Variants in THSD1 observed in about 807,000 individuals in gnomAD.
THSD1 encodes thrombospondin type 1 domain containing 1.
In THSD1, 34 loss-of-function variants were observed where a neutral mutation model predicts 46.3. The ratio of observed to expected loss-of-function variants is 0.74; its 90% CI spans 0.56 to 0.98. The LOEUF (loss-of-function observed/expected upper bound fraction) is 0.98, where lower values mean the gene tolerates loss of function less well. Among genes scored for constraint, THSD1 ranks in the 50% least tolerant of loss-of-function variants. THSD1 has a pLI of 0.00. For missense variants in THSD1, 1,023 were observed against 1,058.3 expected (o/e 0.97, Z 0.46); for synonymous variants, 407 against 416.5 (o/e 0.98, Z 0.28).
chr13:52,378,148 C>G lies in THSD1; in HGVS notation c.1822G>C (p.Asp608His). ...CAACTGGCCTGAGTCACATTTAGATCCAGCCTGGAGGGAGGCCTTTCCCCG... is the reference window on the plus strand; with the variant it reads ...CAACTGGCCTGAGTCACATTTAGATGCAGCCTGGAGGGAGGCCTTTCCCCG... ...SAGERPPSRL[D>H]LNVTQASCAI... The change falls in exon 5 of 5, where the codon GAT (aspartate) becomes CAT (histidine). Residue 608 changes from aspartate to histidine, a missense_variant. Transcript: ENST00000258613. 4 of 1,614,170 alleles carry G rather than the reference C, an allele frequency of 2.5e-6. No homozygotes were observed. Among genetic ancestry groups the G allele is most frequent in the Non-Finnish European group, 3.4e-6 (4 of 1,180,036 alleles).
chr13:52,377,851 C>G lies in THSD1; in HGVS notation c.2119G>C (p.Glu707Gln). ...PQSRGAHLFP[E>Q]KLEHFQEASG... ...GCCTCTTGGAAATGCTCCAGTTTTT[C>G]AGGAAACAGGTGGGCACCTCGACTC... The change falls in exon 5 of 5, where the codon GAA (glutamate) becomes CAA (glutamine). Residue 707 changes from glutamate (E) to glutamine (Q), a missense_variant. By Grantham distance (29) the Glu-to-Gln change is conservative. Transcript: ENST00000258613. 1 of 1,614,206 alleles carries G rather than the reference C, an allele frequency of 6.2e-7. No homozygotes were observed. Among genetic ancestry groups the G allele is most frequent in the East Asian group, 2.2e-5 (1 of 44,878 alleles).
intron 1 of THSD1, 148 bp from the exon 2 acceptor site, chr13:52,402,829 T>C (rs763204749): frequency 5.2e-6 from 7 of 1,358,646 alleles, no homozygotes; most frequent in Non-Finnish European, 4.7e-6. Context: ...CCTGGGGCAA[T>C]GACTTATAAT....
chr13:52,386,721 C>A (rs1957733357), intron 3 of THSD1, among the ~76,000 whole-genome samples: 1 of 152,164 alleles, frequency 6.6e-6, no homozygotes, highest in South Asian at 2.1e-4. Flanking sequence ...GGTGGAGGCC[C>A]AAGGAGGGAA....
At chr13:52,381,477 T>C (rs966743355) in intron 4 of THSD1, among the ~76,000 whole-genome samples, 7 of 152,144 alleles carry the variant, frequency 4.6e-5, no homozygotes, top group Non-Finnish European at 1.0e-4. Context: ...TCCAATCCAC[T>C]TCCTTAGCAC....
At chr13:52,399,500 T>C (rs920511160) in intron 2 of THSD1, among the ~76,000 whole-genome samples, 1 of 152,116 alleles carries the variant, frequency 6.6e-6, no homozygotes, top group East Asian at 1.9e-4. Context: ...TTGTTTGGGG[T>C]TGCAGTCTTT....
chr13:52,385,572 G>A lies in THSD1; in HGVS notation c.1180+456C>T, dbSNP rs74085755. Among the ~76,000 whole-genome samples, 815 of 152,194 alleles carry A rather than the reference G, an allele frequency of 5.4e-3. 13 individuals carry two copies. The highest frequency in any genetic ancestry group is 0.019 in the African/African-American group (776 of 41,516). On this transcript the variant is annotated intron_variant, in intron 4 of 4. Coordinates refer to ENST00000258613, the MANE Select transcript of THSD1 (RefSeq NM_018676.4). ...TTAGGCCACTCAGGGTATAGGACAG[G>A]GAGTCTTGCCCCATTTTGACAAATA...
chr13:52,396,374 T>C (rs921905911), intron 3 of THSD1, among the ~76,000 whole-genome samples: 1 of 151,898 alleles, frequency 6.6e-6, no homozygotes, highest in African/African-American at 2.4e-5. Flanking sequence ...ATACAAAAAT[T>C]AGCCGGGCAT....
rs1957822425 is a variant in THSD1 at position 52,397,706 on chromosome 13, T to C, written c.547A>G (p.Arg183Gly). The change falls in exon 3 of 5, where the codon AGA becomes GGA. Residue 183 changes from arginine (R) to glycine (G), a missense_variant. Physicochemically the swap from Arg to Gly is moderately radical, Grantham distance 125. Around this residue, in one of 3 missense-constraint regions of THSD1, gnomAD observed 429 missense variants for 518.3 expected, o/e 0.83. Coordinates refer to ENST00000258613, the MANE Select transcript of THSD1 (RefSeq NM_018676.4). ...CTGGTTCTTATTTCCAGCGGCTGTC[T>C]TGAATTTCTTCTTGCCTCAGGAAGA... is the stretch of plus-strand genomic sequence containing the variant. ...NSLPEARRNS[R>G]QPLEIRTSKR... is the part of the protein sequence containing the mutation. The C allele has an allele frequency of 6.2e-7, 1 of 1,614,224 alleles. No individual in the cohort carries two copies.
chr13:52,402,774 T>C, intron 1 of THSD1, 93 bp from the exon 2 acceptor site: 1 of 1,398,218 alleles, frequency 7.2e-7, no homozygotes, highest in Non-Finnish European at 9.3e-7. Flanking sequence ...AAACTCAAAC[T>C]TTCTAAGTGA....
chr13:52,389,142 T>G (rs548194327), intron 3 of THSD1, among the ~76,000 whole-genome samples: 1 of 152,050 alleles, frequency 6.6e-6, no homozygotes, highest in East Asian at 2.0e-4. Context: ...TTTGAATTTT[T>G]AGTAGAGACG....
chr13:52,377,987 C>G lies in THSD1; in HGVS notation c.1983G>C (p.Gln661His). ...RRTASFHEAR[Q>H]ARPFRERSMS... ...TGCTCCTCTCTCGGAACGGCCGGGC[C>G]TGCCTGGCTTCATGGAAACTCGCTG... The change falls in exon 5 of 5, where the codon CAG (glutamine) becomes CAC (histidine). Residue 661 changes from glutamine (Q) to histidine (H), a missense_variant. By Grantham distance (24) the Gln-to-His change is conservative. Around this residue, in one of 3 missense-constraint regions of THSD1, gnomAD observed 578 missense variants for 497.4 expected, o/e 1.16. Coordinates refer to ENST00000258613, the MANE Select transcript of THSD1 (RefSeq NM_018676.4). 1 of 1,614,170 alleles carries G rather than the reference C, an allele frequency of 6.2e-7. No homozygotes were observed. The highest frequency in any genetic ancestry group is 1.3e-5 in the African/African-American group (1 of 75,056).
At chr13:52,390,839 T>C (rs1454113455) in intron 3 of THSD1, among the ~76,000 whole-genome samples, 3 of 152,220 alleles carry the variant, frequency 2.0e-5, no homozygotes, top group Non-Finnish European at 2.9e-5. Flanking sequence ...TTTTGCTTTA[T>C]ATAATTTATT....
At chr13:52,404,441 A>G (rs1252884199) in intron 1 of THSD1, among the ~76,000 whole-genome samples, 1 of 152,144 alleles carries the variant, frequency 6.6e-6, no homozygotes, top group Admixed American at 6.5e-5. Context: ...TACTTCCTGA[A>G]AGGGAAACAG....
intron 2 of THSD1, 187 bp from the exon 3 acceptor site, chr13:52,398,381 C>T: frequency 1.5e-6 from 1 of 673,668 alleles, no homozygotes; most frequent in East Asian, 1.4e-4. Context: ...AGCGATCTCC[C>T]ACCTCGCCCT....
In THSD1 at chr13:52,388,533, C is replaced by T. The variant is rs554314862; in HGVS notation, c.1022-2347G>A. Among the ~76,000 whole-genome samples, 4 of 152,310 alleles carry T rather than the reference C, an allele frequency of 2.6e-5. No homozygotes were observed. The South Asian group carries it at 8.3e-4, about 32-fold the overall frequency. ...CACTCTTGTTGCCCAGGATGGAGTG[C>T]AATGGTGCGATCTCAGCTCACCGCA... On this transcript the variant is annotated intron_variant, in intron 3 of 4. Coordinates refer to ENST00000258613, the MANE Select transcript of THSD1 (RefSeq NM_018676.4).
chr13:52,380,259 A>G (rs972220025), intron 4 of THSD1, among the ~76,000 whole-genome samples: 2 of 151,912 alleles, frequency 1.3e-5, no homozygotes, highest in Non-Finnish European at 2.9e-5. Flanking sequence ...CCCTTTGGTC[A>G]CCAGTCCTAT....
chr13:52,401,221 C>G (rs1957857390), intron 2 of THSD1, among the ~76,000 whole-genome samples: 1 of 152,182 alleles, frequency 6.6e-6, no homozygotes, highest in African/African-American at 2.4e-5. Flanking sequence ...GATCTGCCCG[C>G]CTCGGCTTCC....
chr13:52,395,923 A>C (rs1006608683), intron 3 of THSD1, among the ~76,000 whole-genome samples: 1 of 152,170 alleles, frequency 6.6e-6, no homozygotes, highest in Non-Finnish European at 1.5e-5. Flanking sequence ...AGCCTTAGCA[A>C]CTTGGGTGCA....
Position 52,402,640 on chromosome 13 carries a change from C to T in THSD1, c.-40G>A, listed in dbSNP as rs750204754. 6.2e-7 allele frequency: 1 copy of T among 1,611,518 alleles called. No homozygotes were observed. The highest frequency in any genetic ancestry group is 8.5e-7 in the Non-Finnish European group (1 of 1,178,892). On this transcript the variant is annotated 5_prime_UTR_variant, in exon 2 of 5. Coordinates refer to ENST00000258613, the MANE Select transcript of THSD1 (RefSeq NM_018676.4). ...TCCCAGGTCTTTAGTCTCCTCATGT[C>T]CTTTCTCACGTCCAGATTGTGATTT... is the stretch of plus-strand genomic sequence containing the variant.
Sources: gnomAD v4.1 joint callset for allele counts (sites outside exome capture counted in the v4.1 genomes callset) on GRCh38, gnomAD v4.1.1 for gene constraint, gnomAD v4.1.1 regional missense constraint, MANE v1.5 for transcripts, NCBI Gene and HGNC (gene_info 2026-07-23, HGNC 2026-07-21) for gene names.